Variants in VANGL1 observed in about 807,000 individuals in gnomAD.
VANGL1 encodes the protein VANGL planar cell polarity protein 1.
Under a neutral mutation model 48.4 loss-of-function variants are expected in VANGL1, and 18 were observed. That is an observed-to-expected ratio of 0.37 (90% CI 0.26 to 0.55). The LOEUF (loss-of-function observed/expected upper bound fraction) is 0.55, where lower values mean the gene tolerates loss of function less well. Among genes scored for constraint, VANGL1 ranks in the 20% least tolerant of loss-of-function variants. The pLI is 0.81. For synonymous variants in VANGL1, 257 were observed against 261.8 expected (o/e 0.98, Z 0.18); for missense variants, 667 against 675.8 (o/e 0.99, Z 0.14).
intron 4 of VANGL1, among the ~76,000 whole-genome samples, chr1:115,666,944 T>A (rs1239595570): frequency 6.6e-6 from 1 of 152,176 alleles, no homozygotes; most frequent in Non-Finnish European, 1.5e-5. Context: ...CTAAATCTGG[T>A]CTGAACCCAG....
chr1:115,691,128 G>C lies in VANGL1; in HGVS notation c.1324G>C (p.Glu442Gln). 6.2e-7 allele frequency: 1 copy of C among 1,614,134 alleles called. No individual in the cohort carries two copies. Among genetic ancestry groups the C allele is most frequent in the African/African-American group, 1.3e-5 (1 of 75,010 alleles). ...TCTCCTCTGCTTCCAGGCCTTCCTA[G>C]AACGGTACCTCAGTGCGGGCCCCAC... ...TNGMTPKAFL[E>Q]RYLSAGPTLQ... is the part of the protein sequence containing the mutation. The change falls in exon 8 of 8, where the codon GAA becomes CAA. Residue 442 changes from glutamate (E) to glutamine (Q), a missense_variant. By Grantham distance (29) the Glu-to-Gln change is conservative. Transcript: ENST00000355485.
intron 4 of VANGL1, among the ~76,000 whole-genome samples, chr1:115,664,606 ATAAAG>A (rs1652703293): frequency 1.3e-5 from 2 of 152,186 alleles, no homozygotes; most frequent in African/African-American, 4.8e-5. Context: ...TGGACAACAG[ATAAAG>A]TGACCAGCAG....
At chr1:115,661,832 G>T (rs892135867) in intron 3 of VANGL1, among the ~76,000 whole-genome samples, 2 of 152,116 alleles carry the variant, frequency 1.3e-5, no homozygotes, top group African/African-American at 2.4e-5. Context: ...TGGCCAGGCT[G>T]GTCTCGAACT....
intron 5 of VANGL1, 65 bp downstream of exon 5, chr1:115,682,562 C>G: frequency 6.2e-7 from 1 of 1,612,056 alleles, no homozygotes; most frequent in South Asian, 1.1e-5. Context: ...ATTTAAGATT[C>G]ATGGTACGTT....
chr1:115,651,418 A>G lies in VANGL1; in HGVS notation c.5A>G (p.Asp2Gly), dbSNP rs757277483. ...AAGCGCAAGCCCTCCATTGCTATGG[A>G]TACCGAATCCACTTATTCTGGATAT... Reference protein sequence around the residue: MDTESTYSGYSY... With the variant: MGTESTYSGYSY... Residue 2 changes from aspartate (D) to glycine (G), a missense_variant, in exon 2 of 8, where the codon GAT becomes GGT. Transcript: ENST00000355485. The G allele has an allele frequency of 1.9e-6, 3 of 1,613,900 alleles. No individual in the cohort carries two copies. Among genetic ancestry groups the G allele is most frequent in the Admixed American group, 1.7e-5 (1 of 60,010 alleles).
intron 2 of VANGL1, among the ~76,000 whole-genome samples, chr1:115,658,849 T>TA (rs1368191250): frequency 6.6e-6 from 1 of 152,124 alleles, no homozygotes; most frequent in Non-Finnish European, 1.5e-5. Flanking sequence ...GCAGGGTTCT[T>TA]ACAATCACGC....
At chr1:115,682,090 A>G (rs1653413135) in intron 4 of VANGL1, among the ~76,000 whole-genome samples, 1 of 152,240 alleles carries the variant, frequency 6.6e-6, no homozygotes. Flanking sequence ...GTAAGTTATG[A>G]GTTACAACTT....
intron 1 of VANGL1, among the ~76,000 whole-genome samples, chr1:115,643,726 G>T (rs1651817908): frequency 6.6e-6 from 1 of 152,158 alleles, no homozygotes; most frequent in African/African-American, 2.4e-5. Context: ...TTAAGCAACA[G>T]GACAAAACCA....
rs565243870 is a variant in VANGL1 at position 115,651,408 on chromosome 1, A to G, written c.-6A>G. ...CTCCTTCCTCAAGCGCAAGCCCTCC[A>G]TTGCTATGGATACCGAATCCACTTA... On this transcript the variant is annotated 5_prime_UTR_variant, in exon 2 of 8. Transcript: ENST00000355485. The G allele has an allele frequency of 2.5e-6, 4 of 1,613,818 alleles. No homozygotes were observed.
intron 3 of VANGL1, among the ~76,000 whole-genome samples, chr1:115,663,011 T>G (rs750513293): frequency 1.3e-5 from 2 of 152,140 alleles, no homozygotes; most frequent in Non-Finnish European, 2.9e-5. Context: ...GTTCTTGATC[T>G]CCTGACCTCC....
chr1:115,659,505 CTGTGTGTGTG>C lies in VANGL1; in HGVS notation c.72-110_72-101del, dbSNP rs58894569. 2,465 of 958,564 alleles carry C rather than the reference CTGTGTGTGTG, an allele frequency of 2.6e-3. 29 individuals carry two copies. In the African/African-American group the frequency reaches 0.034, roughly 13 times the overall value. The allele number at this position is 958,564 out of a possible 1,614,324, so 59.4% of individuals were successfully genotyped here. A position where few individuals can be genotyped will look rare whatever the true frequency, so the allele number is the denominator to read the frequency against. On this transcript the variant is annotated intron_variant, in intron 2 of 7. Coordinates refer to ENST00000355485, the MANE Select transcript of VANGL1 (RefSeq NM_138959.3). ...GTGAAGATGGGTGGGTTTTGATGCT[CTGTGTGTGTG>C]TGTGTGTGTGTGTGTGTGTGTGTGT...
At chr1:115,687,412 T>C (rs1255322706) in intron 7 of VANGL1, among the ~76,000 whole-genome samples, 1 of 138,962 alleles carries the variant, frequency 7.2e-6, no homozygotes, top group Non-Finnish European at 1.6e-5. Flanking sequence ...GCTTGTACCA[T>C]GTAGAACCAA....
Position 115,696,670 on chromosome 1 carries a change from C to T in VANGL1, c.*5291C>T, listed in dbSNP as rs1164662466. 6.6e-6 allele frequency: 1 copy of T among 152,214 alleles called. No individual in the cohort carries two copies. Among genetic ancestry groups the T allele is most frequent in the Admixed American group, 6.5e-5 (1 of 15,282 alleles). The allele number at this position is 152,214 out of a possible 1,614,324, so 9.4% of individuals were successfully genotyped here. ...CGTTTTCCCAGGTCCTGTTCCGTTT[C>T]TACGTAGATAACCCAATTTGTTTTG... On this transcript the variant is annotated 3_prime_UTR_variant, in exon 8 of 8. Transcript: ENST00000355485.
intron 4 of VANGL1, among the ~76,000 whole-genome samples, chr1:115,681,400 G>C (rs1653377037): frequency 6.6e-6 from 1 of 151,968 alleles, no homozygotes; most frequent in Non-Finnish European, 1.5e-5. Flanking sequence ...AACATAGATA[G>C]TCACCTTCAT....
At chr1:115,671,109 C>T (rs1206172335) in intron 4 of VANGL1, 1 of 152,270 alleles carries the variant, frequency 6.6e-6, no homozygotes, top group African/African-American at 2.4e-5. Flanking sequence ...GCCTTGCGCC[C>T]GGAGCCCAGA....
intron 4 of VANGL1, among the ~76,000 whole-genome samples, chr1:115,674,959 T>C (rs1016158012): frequency 8.7e-5 from 13 of 149,938 alleles, no homozygotes; most frequent in African/African-American, 3.2e-4. Context: ...TGTGTGTGTG[T>C]GCATGTATGC....
At chr1:115,657,942 A>T (rs1199790677) in intron 2 of VANGL1, among the ~76,000 whole-genome samples, 1 of 152,148 alleles carries the variant, frequency 6.6e-6, no homozygotes, top group East Asian at 1.9e-4. Flanking sequence ...CTTTTAAACA[A>T]CCAGATCTCC....
At chr1:115,683,620 A>G (rs1337742810) in intron 5 of VANGL1, among the ~76,000 whole-genome samples, 1 of 152,212 alleles carries the variant, frequency 6.6e-6, no homozygotes, top group East Asian at 1.9e-4. Context: ...TTTATGTAAC[A>G]GATGGTAACA....
intron 4 of VANGL1, among the ~76,000 whole-genome samples, chr1:115,671,955 T>C (rs1652992022): frequency 6.6e-6 from 1 of 152,176 alleles, no homozygotes; most frequent in Non-Finnish European, 1.5e-5. Context: ...CACTGGGTCG[T>C]GGTGTTAAGC....
Sources: allele counts gnomAD v4.1 joint callset (sites outside exome capture counted in the v4.1 genomes callset), GRCh38; gene constraint gnomAD v4.1.1; transcripts MANE v1.5; gene names NCBI Gene and HGNC (gene_info 2026-07-23, HGNC 2026-07-21).